Variants in SLC25A42 observed in about 807,000 individuals in gnomAD.
The protein encoded by SLC25A42 is mitochondrial coenzyme A transporter SLC25A42.
Under a neutral mutation model 34.7 loss-of-function variants are expected in SLC25A42, and 19 were observed. The observed-to-expected ratio is 0.55, with a 90% confidence interval of 0.38 to 0.80. The LOEUF is 0.80. Among genes scored for constraint, SLC25A42 ranks in the 30% least tolerant of loss-of-function variants. The probability of loss-of-function intolerance (pLI) is 0.00; values close to 1 mark genes in which losing one functional copy is unlikely to be tolerated. For synonymous variants in SLC25A42, 205 were observed against 191.2 expected (o/e 1.07, Z -0.59); for missense variants, 364 against 441.3 (o/e 0.82, Z 1.57).
chr19:19,073,504 G>T (rs1257469819), intron 1 of SLC25A42, among the ~76,000 whole-genome samples: 1 of 152,116 alleles, frequency 6.6e-6, no homozygotes, highest in East Asian at 1.9e-4. Flanking sequence ...TAATTCACTT[G>T]TCCAGCAAAT....
In SLC25A42 at chr19:19,106,368, C is replaced by T. The variant is rs148112263; in HGVS notation, c.480C>T (p.Ala160=). 3.7e-4 allele frequency: 597 copies of T among 1,612,384 alleles called. No homozygotes were observed. Among genetic ancestry groups the T allele is most frequent in the Non-Finnish European group, 4.9e-4 (574 of 1,179,062 alleles). Residue 160 remains alanine (A), a synonymous_variant, in exon 6 of 8, where the codon GCC becomes GCT. Transcript: ENST00000318596. ...TGGACCTGGTCAGAGCGCGGATGGC[C>T]GTAACCCCGAAGGAAATGTGAGTCC... The part of the protein sequence containing the change: ...YPLDLVRARM[A]VTPKEMYSNI...
intron 5 of SLC25A42, chr19:19,106,034 G>A (rs934972837): frequency 1.6e-5 from 9 of 552,530 alleles, no homozygotes; most frequent in Non-Finnish European, 2.6e-5. Flanking sequence ...GGGAAAATAC[G>A]CATCATTAAT....
At chr19:19,097,968 A>AG (rs1467233785) in intron 2 of SLC25A42, among the ~76,000 whole-genome samples, 1 of 150,760 alleles carries the variant, frequency 6.6e-6, no homozygotes, top group Non-Finnish European at 1.5e-5. Context: ...GTCTCAGAAA[A>AG]AAAAAAAAAA....
At chr19:19,090,063 T>C (rs905629870) in intron 1 of SLC25A42, among the ~76,000 whole-genome samples, 3 of 152,250 alleles carry the variant, frequency 2.0e-5, no homozygotes, top group African/African-American at 7.2e-5. Flanking sequence ...TCTAGTGTCC[T>C]GTCCCACCTT....
At chr19:19,096,035 C>T in intron 1 of SLC25A42, 56 bp from the exon 2 acceptor site, 2 of 1,168,356 alleles carry the variant, frequency 1.7e-6, no homozygotes, top group Non-Finnish European at 2.5e-6. Flanking sequence ...GCTGGTGGAA[C>T]ACCCACCATC....
At chr19:19,103,555 C>A (rs1255114840) in intron 3 of SLC25A42, among the ~76,000 whole-genome samples, 1 of 152,204 alleles carries the variant, frequency 6.6e-6, no homozygotes, top group Admixed American at 6.5e-5. Flanking sequence ...TTTCAGAGGA[C>A]AGAAATTAAA....
Position 19,106,287 on chromosome 19 carries a change from TC to T in SLC25A42, c.400del (p.Arg134AlafsTer15), listed in dbSNP as rs1206418840. ...TGTTCAGAGCCCTGCCCCCTTGGCC[TC>T]GCCTCTTCGCCGGCGCACTGGCTGG... ...FRGEALPPWP[R>X]LFAGALAGTT... On this transcript the variant is annotated frameshift_variant, in exon 6 of 8. Coordinates refer to ENST00000318596, the MANE Select transcript of SLC25A42 (RefSeq NM_178526.5). LOFTEE classifies it high-confidence loss of function. 6.2e-7 allele frequency: 1 copy of T among 1,612,520 alleles called. No individual in the cohort carries two copies. Among genetic ancestry groups the T allele is most frequent in the Non-Finnish European group, 8.5e-7 (1 of 1,179,944 alleles).
chr19:19,096,265 CCT>C, intron 2 of SLC25A42, 60 bp downstream of exon 2: 1 of 1,380,992 alleles, frequency 7.2e-7, no homozygotes, highest in Non-Finnish European at 1.0e-6. Flanking sequence ...CCCCACCCCC[CCT>C]CCCAGGCTCC....
At chr19:19,092,404 C>T (rs937437316) in intron 1 of SLC25A42, among the ~76,000 whole-genome samples, 2 of 152,212 alleles carry the variant, frequency 1.3e-5, no homozygotes, top group Non-Finnish European at 2.9e-5. Flanking sequence ...TGTGCAGTGA[C>T]TTTGTCTATG....
At chr19:19,069,691 G>A (rs2059619372) in intron 1 of SLC25A42, among the ~76,000 whole-genome samples, 1 of 152,148 alleles carries the variant, frequency 6.6e-6, no homozygotes, top group Non-Finnish European at 1.5e-5. Flanking sequence ...GTCTCACTAT[G>A]TTGTTCACGC....
intron 1 of SLC25A42, among the ~76,000 whole-genome samples, chr19:19,090,677 A>C (rs774841546): frequency 2.6e-5 from 4 of 151,570 alleles, no homozygotes; most frequent in Non-Finnish European, 4.4e-5. Context: ...ACAACAACAA[A>C]AAGCTTCTGA....
At chr19:19,094,359 C>G (rs1339494954) in intron 1 of SLC25A42, among the ~76,000 whole-genome samples, 1 of 152,166 alleles carries the variant, frequency 6.6e-6, no homozygotes, top group African/African-American at 2.4e-5. Context: ...AGGCTTTCAT[C>G]CATGATGCTT....
At chr19:19,083,871 C>T (rs578044726) in intron 1 of SLC25A42, among the ~76,000 whole-genome samples, 2 of 152,048 alleles carry the variant, frequency 1.3e-5, no homozygotes, top group East Asian at 1.9e-4. Flanking sequence ...CCTGCACACA[C>T]CTGCCCACAC....
chr19:19,102,795 G>A (rs961588797), intron 3 of SLC25A42, among the ~76,000 whole-genome samples: 27 of 151,632 alleles, frequency 1.8e-4, no homozygotes, highest in African/African-American at 5.6e-4. Flanking sequence ...AATCCACTTC[G>A]AATCTGTACG....
chr19:19,104,708 G>A (rs1599688871), intron 3 of SLC25A42, among the ~76,000 whole-genome samples: 1 of 152,194 alleles, frequency 6.6e-6, no homozygotes, highest in Non-Finnish European at 1.5e-5. Flanking sequence ...AGGGTGCTGA[G>A]TGTCAACCCA....
chr19:19,102,134 G>A lies in SLC25A42; in HGVS notation c.187+248G>A, dbSNP rs772972302. ...CGCCATTCTCCTGCCTCAGCCTCCC[G>A]AGTAGCTGGTACTACAGGCATGCGC... On this transcript the variant is annotated intron_variant, in intron 3 of 7. Transcript: ENST00000318596. 2.0e-5 allele frequency among the ~76,000 whole-genome samples: 3 copies of A among 151,044 alleles called. 1 individual carries two copies. Among genetic ancestry groups the A allele is most frequent in the Non-Finnish European group, 4.4e-5 (3 of 67,894 alleles).
intron 1 of SLC25A42, among the ~76,000 whole-genome samples, chr19:19,077,641 G>A (rs748164508): frequency 1.1e-4 from 17 of 152,234 alleles, no homozygotes; most frequent in African/African-American, 2.9e-4. Context: ...TAATCCCAGC[G>A]CTTTGGGAGG....
Position 19,088,431 on chromosome 19 carries a change from C to T in SLC25A42, c.-34-7660C>T, listed in dbSNP as rs569139832. 1.1e-4 allele frequency among the ~76,000 whole-genome samples: 17 copies of T among 152,124 alleles called. No homozygotes were observed. In the South Asian group the frequency reaches 3.3e-3, roughly 30 times the overall value. The stretch of plus-strand genomic sequence containing the variant: ...ACGTGTTAGCCAGGATGGACTCGAT[C>T]TCCTGACCTCGTGATCTGCCTGCGT... On this transcript the variant is annotated intron_variant, in intron 1 of 7. Coordinates refer to ENST00000318596, the MANE Select transcript of SLC25A42 (RefSeq NM_178526.5).
intron 7 of SLC25A42, 56 bp from the exon 8 acceptor site, chr19:19,110,513 C>T: frequency 3.0e-6 from 4 of 1,353,956 alleles, no homozygotes; most frequent in African/African-American, 1.5e-5. Context: ...CGCACGGGTG[C>T]GGGGTGCGCG....
Sources: allele counts gnomAD v4.1 joint callset (sites outside exome capture counted in the v4.1 genomes callset), GRCh38; gene constraint gnomAD v4.1.1; transcripts MANE v1.5; gene names NCBI Gene and HGNC (gene_info 2026-07-23, HGNC 2026-07-21).